Variants in SLC20A2 observed in about 807,000 individuals in gnomAD.
SLC20A2 encodes solute carrier family 20 member 2.
SLC20A2 carries 30 observed loss-of-function variants against 61.0 expected under a neutral mutation model. The observed-to-expected ratio is 0.49, with a 90% CI of 0.37 to 0.67. The LOEUF is 0.67. Among genes scored for constraint, SLC20A2 ranks in the 30% least tolerant of loss-of-function variants. The pLI is 0.00. For synonymous variants in SLC20A2, 351 were observed against 353.3 expected (o/e 0.99, Z 0.07); for missense variants, 626 against 866.4 (o/e 0.72, Z 3.48).
intron 1 of SLC20A2, among the ~76,000 whole-genome samples, chr8:42,478,642 G>A (rs1436097362): frequency 6.6e-6 from 1 of 152,152 alleles, no homozygotes; most frequent in Non-Finnish European, 1.5e-5. Flanking sequence ...TGCACCTTGA[G>A]TATGGTGGTG....
chr8:42,441,312 A>G (rs1804765159), intron 6 of SLC20A2, among the ~76,000 whole-genome samples: 1 of 147,154 alleles, frequency 6.8e-6, no homozygotes, highest in Non-Finnish European at 1.5e-5. Flanking sequence ...CCACCACCAT[A>G]CCTGACTAAT....
At chr8:42,540,900 C>G (rs1479963347) in intron 1 of SLC20A2, 1 of 152,142 alleles carries the variant, frequency 6.6e-6, no homozygotes, top group African/African-American at 2.4e-5. Context: ...ATAAAAATAC[C>G]CAAAAGGGAC....
chr8:42,441,892 C>T (rs1236897186), intron 6 of SLC20A2, among the ~76,000 whole-genome samples: 1 of 151,514 alleles, frequency 6.6e-6, no homozygotes, highest in African/African-American at 2.4e-5. Context: ...GTGCTTCTCA[C>T]AGAGCAATAG....
intron 4 of SLC20A2, among the ~76,000 whole-genome samples, chr8:42,461,640 T>TG (rs1200737556): frequency 6.6e-6 from 1 of 151,934 alleles, no homozygotes; most frequent in African/African-American, 2.4e-5. Flanking sequence ...TTAGTAGAGA[T>TG]GGGGTTTCGC....
intron 1 of SLC20A2, among the ~76,000 whole-genome samples, chr8:42,524,160 A>G (rs1394545507): frequency 6.6e-6 from 1 of 152,230 alleles, no homozygotes; most frequent in Non-Finnish European, 1.5e-5. Flanking sequence ...CTAAAGCCAC[A>G]TTTTAATTCA....
chr8:42,452,066 G>C (rs1295577271), intron 5 of SLC20A2, among the ~76,000 whole-genome samples: 1 of 133,240 alleles, frequency 7.5e-6, no homozygotes, highest in African/African-American at 3.3e-5. Flanking sequence ...ATGAAGAGGA[G>C]GGGGAGGAAG....
rs766978868 is a variant in SLC20A2, at chr8:42,444,676, C to T, written c.700G>A (p.Val234Met). The T allele has an allele frequency of 1.3e-5, 21 of 1,613,608 alleles. No individual in the cohort carries two copies. Among genetic ancestry groups the T allele is most frequent in the African/African-American group, 4.0e-5 (3 of 74,876 alleles). ...ATTTTCCTCCGCATCCACGGACACA[C>T]GAAGAGCCACACAAAAAAAGCGAAC... is the stretch of plus-strand genomic sequence containing the variant. ...LLFAFFVWLF[V>M]CPWMRRKITG... Residue 234 changes from valine (V) to methionine (M), a missense_variant, in exon 6 of 11, where the codon GTG becomes ATG. Around this residue, in one of 3 missense-constraint regions of SLC20A2, gnomAD observed 361 missense variants for 422.3 expected, o/e 0.85. Coordinates refer to ENST00000520262, the MANE Select transcript of SLC20A2 (RefSeq NM_001257180.2).
chr8:42,510,099 T>C (rs1484199589), intron 1 of SLC20A2, among the ~76,000 whole-genome samples: 1 of 152,142 alleles, frequency 6.6e-6, no homozygotes, highest in Non-Finnish European at 1.5e-5. Context: ...AAACTGAAAA[T>C]ACTTTTAAAT....
Position 42,437,964 on chromosome 8 carries a change from C to A in SLC20A2, c.935-387G>T, listed in dbSNP as rs1343579475. Among the ~76,000 whole-genome samples the A allele has an allele frequency of 6.8e-6, 1 of 146,134 alleles. No homozygotes were observed. Among genetic ancestry groups the A allele is most frequent in the African/African-American group, 2.5e-5 (1 of 39,996 alleles). ...AAACACTCCCTACTATTTCATGGCACTTATCTCCAGAAGGCTGGGGATGAC... is the reference window on the plus strand; with the variant it reads ...AAACACTCCCTACTATTTCATGGCAATTATCTCCAGAAGGCTGGGGATGAC... On this transcript the variant is annotated intron_variant, in intron 7 of 10. Coordinates refer to ENST00000520262, the MANE Select transcript of SLC20A2 (RefSeq NM_001257180.2). This position sits in a 1 kb window ranked among gnomAD's most constrained non-coding sequence, Gnocchi z 6.4.
At chr8:42,526,111 G>A (rs1811917048) in intron 1 of SLC20A2, among the ~76,000 whole-genome samples, 1 of 152,180 alleles carries the variant, frequency 6.6e-6, no homozygotes, top group South Asian at 2.1e-4. Flanking sequence ...GAGGAACTCT[G>A]CAGTGGTGAA....
chr8:42,485,442 G>A (rs1808901602), intron 1 of SLC20A2, among the ~76,000 whole-genome samples: 1 of 151,160 alleles, frequency 6.6e-6, no homozygotes, highest in Non-Finnish European at 1.5e-5. Context: ...AGGAGTTCGA[G>A]ACCAGCCTGG....
intron 1 of SLC20A2, among the ~76,000 whole-genome samples, chr8:42,481,843 T>C (rs1808576845): frequency 6.6e-6 from 1 of 152,230 alleles, no homozygotes; most frequent in South Asian, 2.1e-4. Context: ...CAGCCTTCCC[T>C]GCCCTTTTTC....
Position 42,417,739 on chromosome 8 carries a change from A to T in SLC20A2, c.*64T>A. 1 of 1,564,720 alleles carries T rather than the reference A, an allele frequency of 6.4e-7. No homozygotes were observed. Among genetic ancestry groups the T allele is most frequent in the Non-Finnish European group, 8.8e-7 (1 of 1,138,664 alleles). On this transcript the variant is annotated 3_prime_UTR_variant, in exon 11 of 11. Transcript: ENST00000520262. The stretch of plus-strand genomic sequence containing the variant: ...GGATGTGTATGTGCGGCACGAGCAC[A>T]CATGTCTCCCACACGCCAACACCAG...
At chr8:42,480,380 A>G (rs940571555) in intron 1 of SLC20A2, 11 of 152,332 alleles carry the variant, frequency 7.2e-5, no homozygotes, top group African/African-American at 2.6e-4. Context: ...AAACACTACA[A>G]GGTACATTTT....
At chr8:42,445,502 G>T (rs1398042144) in intron 5 of SLC20A2, among the ~76,000 whole-genome samples, 1 of 151,960 alleles carries the variant, frequency 6.6e-6, no homozygotes, top group East Asian at 1.9e-4. Flanking sequence ...GAGGTGGGAG[G>T]ATCACCTGAG....
chr8:42,444,431 T>C (rs2131051278), intron 6 of SLC20A2, among the ~76,000 whole-genome samples: 1 of 152,308 alleles, frequency 6.6e-6, no homozygotes, highest in East Asian at 1.9e-4. Context: ...CAGTTACTCA[T>C]GGCAACTGGG....
At chr8:42,475,450 C>A (rs1389093785) in intron 1 of SLC20A2, among the ~76,000 whole-genome samples, 1 of 151,878 alleles carries the variant, frequency 6.6e-6, no homozygotes, top group African/African-American at 2.4e-5. Flanking sequence ...CACTCTGTCA[C>A]CCAGGCTGGA....
At chr8:42,495,802 T>G (rs1292585900) in intron 1 of SLC20A2, among the ~76,000 whole-genome samples, 5 of 150,680 alleles carry the variant, frequency 3.3e-5, no homozygotes, top group East Asian at 3.9e-4. Flanking sequence ...TAGGCTGGAG[T>G]GCAGTGGTGT....
At chr8:42,447,571 C>T (rs558207906) in intron 5 of SLC20A2, among the ~76,000 whole-genome samples, 79 of 151,042 alleles carry the variant, frequency 5.2e-4, no homozygotes, top group Non-Finnish European at 9.3e-4. Context: ...CCAGCTACTC[C>T]GGAGGCTGAG....
Sources: allele counts gnomAD v4.1 joint callset (sites outside exome capture counted in the v4.1 genomes callset), GRCh38; gene constraint gnomAD v4.1.1; regional missense constraint gnomAD v4.1.1; non-coding constraint Gnocchi (gnomAD v3.1); transcripts MANE v1.5; gene names NCBI Gene and HGNC (gene_info 2026-07-23, HGNC 2026-07-21).